Variants in MED13 observed in about 807,000 individuals in gnomAD.
MED13 encodes the protein mediator of RNA polymerase II transcription subunit 13.
Under a neutral mutation model 225.2 loss-of-function variants are expected in MED13, and 23 were observed. The observed-to-expected ratio is 0.10, with a 90% CI of 0.07 to 0.14. MED13 has a LOEUF of 0.14. Among genes scored for constraint, MED13 ranks in the 10% least tolerant of loss-of-function variants. The pLI is 1.00. For synonymous variants in MED13, 942 were observed against 889.2 expected (o/e 1.06, Z -1.06); for missense variants, 2,197 against 2,594.5 (o/e 0.85, Z 3.33).
In MED13 at chr17:61,945,329, TA is replaced by T. The variant is rs1226320169; in HGVS notation, c.*1138del. On this transcript the variant is annotated 3_prime_UTR_variant, in exon 30 of 30. Transcript: ENST00000397786. Reference sequence around the variant, plus strand: ...GAATGACTGCTTGAAAAATAATTTGTAAAATGCCTAGAGCTGGGCTAAATTT... The same window carrying T: ...GAATGACTGCTTGAAAAATAATTTGTAAATGCCTAGAGCTGGGCTAAATTT... The T allele has an allele frequency of 2.6e-5, 4 of 152,456 alleles. No homozygotes were observed. Among genetic ancestry groups the T allele is most frequent in the Non-Finnish European group, 5.9e-5 (4 of 68,002 alleles). The allele number at this position is 152,456 out of a possible 1,614,324, so 9.4% of individuals were successfully genotyped here.
chr17:61,982,651 C>T lies in MED13; in HGVS notation c.3352G>A (p.Ala1118Thr). 4 of 1,614,194 alleles carry T rather than the reference C, an allele frequency of 2.5e-6. No individual in the cohort carries two copies. Among genetic ancestry groups the T allele is most frequent in the Non-Finnish European group, 3.4e-6 (4 of 1,180,038 alleles). The change falls in exon 16 of 30, where the codon GCA becomes ACA. Residue 1118 changes from alanine (A) to threonine (T), a missense_variant. Transcript: ENST00000397786. ...AAGCCACAGGTACACCTATATTGTG[C>T]TTCCTGCGTTGGATCTGGAATGTAA... ...GVYIPDPTQEAQYRCTCGFSA... is the reference protein window; with the variant it reads ...GVYIPDPTQETQYRCTCGFSA...
intron 3 of MED13, among the ~76,000 whole-genome samples, chr17:62,047,931 G>C (rs969965234): frequency 6.6e-6 from 1 of 151,080 alleles, no homozygotes; most frequent in Non-Finnish European, 1.5e-5. Context: ...AAAGCCGGGT[G>C]CAGTGGTTAA....
intron 10 of MED13, among the ~76,000 whole-genome samples, chr17:61,994,057 G>C (rs538078394): frequency 6.6e-6 from 1 of 151,008 alleles, no homozygotes; most frequent in African/African-American, 2.4e-5. Flanking sequence ...GAAGTTCACT[G>C]GCATGATCTC....
chr17:61,980,086 G>A (rs1408916833), intron 16 of MED13, among the ~76,000 whole-genome samples: 2 of 152,154 alleles, frequency 1.3e-5, no homozygotes, highest in African/African-American at 4.8e-5. Context: ...CCACTTGGGA[G>A]GCTGAGGCAG....
At chr17:61,966,754 T>C in intron 18 of MED13, 103 bp from the exon 19 acceptor site, 1 of 722,234 alleles carries the variant, frequency 1.4e-6, no homozygotes, top group South Asian at 3.8e-5. Context: ...AGCTTAACCA[T>C]TTGCAATTAA....
intron 16 of MED13, among the ~76,000 whole-genome samples, chr17:61,975,663 G>C (rs191564996): frequency 9.9e-5 from 15 of 152,268 alleles, no homozygotes; most frequent in Admixed American, 9.2e-4. Flanking sequence ...TGGTTGCAAT[G>C]AGCCAAGATC....
At chr17:62,024,546 A>G (rs181324658) in intron 8 of MED13, among the ~76,000 whole-genome samples, 235 of 152,298 alleles carry the variant, frequency 1.5e-3, no homozygotes, top group African/African-American at 5.2e-3. Context: ...TTTTTTCTCA[A>G]CTTTTATTTT....
In MED13 at chr17:61,992,633, T is replaced by C. The variant is rs2080309267; in HGVS notation, c.2182-12A>G. 1.9e-6 allele frequency: 3 copies of C among 1,565,590 alleles called. No homozygotes were observed. Among genetic ancestry groups the C allele is most frequent in the African/African-American group, 1.4e-5 (1 of 73,944 alleles). On this transcript the variant is annotated splice_polypyrimidine_tract_variant and intron_variant, in intron 10 of 29. Coordinates refer to ENST00000397786, the MANE Select transcript of MED13 (RefSeq NM_005121.3). ...GTCCCATCTTCTACCTGCAAACAAA[T>C]ATTTCATGTTAGGCTGAAATATATA...
chr17:61,958,450 T>C (rs1405912129), intron 23 of MED13, among the ~76,000 whole-genome samples: 2 of 150,618 alleles, frequency 1.3e-5, no homozygotes, highest in African/African-American at 2.4e-5. Context: ...GGGATTCTCC[T>C]GCCTCAGCCT....
chr17:61,957,578 G>C (rs2079958255), intron 23 of MED13, among the ~76,000 whole-genome samples: 1 of 152,076 alleles, frequency 6.6e-6, no homozygotes, highest in South Asian at 2.1e-4. Flanking sequence ...TAGAACTCCT[G>C]ACCTCGTGAT....
At chr17:62,008,677 T>TC (rs1026468983) in intron 9 of MED13, among the ~76,000 whole-genome samples, 7 of 151,110 alleles carry the variant, frequency 4.6e-5, no homozygotes, top group East Asian at 1.9e-4. Flanking sequence ...CTCCCACTCT[T>TC]CCCCCCGCCG....
At chr17:62,025,948 A>C (rs1030116554) in intron 8 of MED13, among the ~76,000 whole-genome samples, 10 of 152,238 alleles carry the variant, frequency 6.6e-5, no homozygotes, top group African/African-American at 2.4e-4. Context: ...ATTTATGCAA[A>C]AACATAACAG....
chr17:62,002,781 TAGTA>T (rs2080407925), intron 9 of MED13, among the ~76,000 whole-genome samples: 1 of 152,220 alleles, frequency 6.6e-6, no homozygotes, highest in African/African-American at 2.4e-5. Flanking sequence ...GTGACTGAAA[TAGTA>T]TGGGGAATCT....
chr17:61,949,848 A>G (rs1357477661), intron 28 of MED13, among the ~76,000 whole-genome samples: 1 of 151,842 alleles, frequency 6.6e-6, no homozygotes, highest in Admixed American at 6.6e-5. Context: ...ACGCCTGGCT[A>G]ATTTTTTTGT....
At chr17:62,014,756 CAA>C (rs2080546689) in intron 8 of MED13, among the ~76,000 whole-genome samples, 1 of 152,118 alleles carries the variant, frequency 6.6e-6, no homozygotes, top group South Asian at 2.1e-4. Context: ...TTCCTGGACT[CAA>C]GAGAGCCTCC....
At chr17:61,990,231 A>G (rs2143495164) in intron 11 of MED13, among the ~76,000 whole-genome samples, 1 of 152,320 alleles carries the variant, frequency 6.6e-6, no homozygotes, top group Non-Finnish European at 1.5e-5. Context: ...CGCACAAAAA[A>G]GGTATGTAAG....
rs566165197 is a variant in MED13 at position 61,956,220 on chromosome 17, G to A, written c.5623+119C>T. The A allele has an allele frequency of 4.0e-6, 4 of 994,138 alleles. No homozygotes were observed. In the East Asian group the frequency reaches 8.0e-5, roughly 20 times the overall value. 61.6% of individuals were successfully genotyped at this position (994,138 alleles called of 1,614,324 possible). A position where few individuals can be genotyped will look rare whatever the true frequency, so the allele number is the denominator to read the frequency against. On this transcript the variant is annotated intron_variant, in intron 24 of 29. Coordinates refer to ENST00000397786, the MANE Select transcript of MED13 (RefSeq NM_005121.3). ...TAAGCCATTTGTGGCCTAGACATAT[G>A]TGGTTCCTTATTTGATAACCTTTGC...
Position 61,984,304 on chromosome 17 carries a change from G to T in MED13, c.2755C>A (p.Pro919Thr), listed in dbSNP as rs758813322. 1.6e-5 allele frequency: 25 copies of T among 1,607,818 alleles called. No homozygotes were observed. Among genetic ancestry groups the T allele is most frequent in the Non-Finnish European group, 1.9e-5 (22 of 1,177,792 alleles). The change falls in exon 15 of 30, where the codon CCT (proline) becomes ACT (threonine). Residue 919 changes from proline (P) to threonine (T), a missense_variant. By Grantham distance (38) the Pro-to-Thr change is conservative (BLOSUM62 -1). Coordinates refer to ENST00000397786, the MANE Select transcript of MED13 (RefSeq NM_005121.3). ...TATTGGCTTGGTAGAGTTTTTAGAG[G>T]TGCAAACATGGAACATCCCACTAGA... ...QILVGCSMFAPLKTLPSQYLP... is the reference protein window; with the variant it reads ...QILVGCSMFATLKTLPSQYLP...
chr17:62,026,221 A>C (rs988269357), intron 8 of MED13, among the ~76,000 whole-genome samples: 1 of 152,144 alleles, frequency 6.6e-6, no homozygotes, highest in Non-Finnish European at 1.5e-5. Flanking sequence ...CTCATAACCA[A>C]ACCTTATCAA....
Sources: gnomAD v4.1 joint callset for allele counts (sites outside exome capture counted in the v4.1 genomes callset) on GRCh38, gnomAD v4.1.1 for gene constraint, MANE v1.5 for transcripts, NCBI Gene and HGNC (gene_info 2026-07-23, HGNC 2026-07-21) for gene names.